SEL1L: variants seen among roughly 807,000 people sequenced by gnomAD.
SEL1L encodes SEL1L adaptor subunit of SYVN1 ubiquitin ligase.
SEL1L carries 52 observed loss-of-function variants against 109.8 expected under a neutral mutation model. The observed-to-expected ratio is 0.47, with a 90% CI of 0.38 to 0.60. The LOEUF (loss-of-function observed/expected upper bound fraction) is 0.60, where lower values mean the gene tolerates loss of function less well. Among genes scored for constraint, SEL1L ranks in the 20% least tolerant of loss-of-function variants. The probability of loss-of-function intolerance (pLI) is 0.00; values close to 1 mark genes in which losing one functional copy is unlikely to be tolerated. For missense variants in SEL1L, 749 were observed against 962.2 expected, an observed-to-expected ratio of 0.78 and a Z score of 2.93; for synonymous variants, 373 against 339.6, an observed-to-expected ratio of 1.10 and a Z score of -1.08.
chr14:81,528,917 C>A (rs1425133014), intron 1 of SEL1L, among the ~76,000 whole-genome samples: 3 of 152,088 alleles, frequency 2.0e-5, no homozygotes, highest in African/African-American at 7.2e-5. Flanking sequence ...ATAACCAACT[C>A]AATTATGCAC....
chr14:81,505,001 A>G (rs1482241449), intron 4 of SEL1L, among the ~76,000 whole-genome samples: 1 of 152,148 alleles, frequency 6.6e-6, no homozygotes, highest in Non-Finnish European at 1.5e-5. Context: ...CTTTATTAAT[A>G]AATTTCCCAG....
At chr14:81,486,865 T>C (rs1001796767) in intron 16 of SEL1L, among the ~76,000 whole-genome samples, 1 of 152,174 alleles carries the variant, frequency 6.6e-6, no homozygotes, top group Non-Finnish European at 1.5e-5. Flanking sequence ...TTTATCAATG[T>C]CACTCTAAAG....
intron 3 of SEL1L, among the ~76,000 whole-genome samples, chr14:81,514,657 G>A (rs1490707088): frequency 1.3e-5 from 2 of 152,144 alleles, no homozygotes; most frequent in Non-Finnish European, 2.9e-5. Flanking sequence ...GATCCGGAGG[G>A]TCCAGGGACC....
chr14:81,480,681 G>A (rs915044321), intron 19 of SEL1L, among the ~76,000 whole-genome samples: 10 of 152,142 alleles, frequency 6.6e-5, no homozygotes, highest in African/African-American at 2.4e-4. Context: ...TGGTGCCACT[G>A]AACTCTAGCC....
rs1047104691 is a variant in SEL1L, at chr14:81,512,038, A to G, written c.341-5797T>C. Among the ~76,000 whole-genome samples, 8 of 152,320 alleles carry G rather than the reference A, an allele frequency of 5.3e-5. No homozygotes were observed. In the South Asian group the frequency reaches 1.5e-3, roughly 28 times the overall value. ...ATTTTTACAAATGGCTTCTTTTCAC[A>G]TAAAGGATTTGTGATGGTTTAATTT... On this transcript the variant is annotated intron_variant, in intron 3 of 20. Coordinates refer to ENST00000336735, the MANE Select transcript of SEL1L (RefSeq NM_005065.6).
intron 5 of SEL1L, 129 bp downstream of exon 5, chr14:81,504,072 A>G (rs8020513): frequency 0.029 from 14,856 of 513,494 alleles, 1,518 homozygotes; most frequent in African/African-American, 0.24. Flanking sequence ...GTTATATTAC[A>G]TTTTTTTGTA....
chr14:81,497,518 T>C (rs897991154), intron 10 of SEL1L, among the ~76,000 whole-genome samples: 4 of 152,204 alleles, frequency 2.6e-5, no homozygotes, highest in African/African-American at 9.7e-5. Context: ...TTGCAAATAT[T>C]CCAGGGACTT....
At chr14:81,486,480 T>A in intron 16 of SEL1L, 26 bp from the exon 17 acceptor site, 2 of 1,607,616 alleles carry the variant, frequency 1.2e-6, no homozygotes, top group Non-Finnish European at 8.5e-7. Context: ...AAAAAAAATA[T>A]CAGTAGAAGA....
chr14:81,496,121 A>G (rs963308905), intron 10 of SEL1L, among the ~76,000 whole-genome samples: 1 of 152,044 alleles, frequency 6.6e-6, no homozygotes, highest in African/African-American at 2.4e-5. Context: ...CAGGAGATTG[A>G]GACCATCCTG....
In SEL1L at chr14:81,489,124, GAA is replaced by G. The variant is rs983207338; in HGVS notation, c.1395+126_1395+127del. 6 of 792,132 alleles carry G rather than the reference GAA, an allele frequency of 7.6e-6. No individual in the cohort carries two copies. The African/African-American group carries it at 1.0e-4, about 14-fold the overall frequency. 49.1% of individuals were successfully genotyped at this position (792,132 alleles called of 1,614,324 possible). A position where few individuals can be genotyped will look rare whatever the true frequency, so the allele number is the denominator to read the frequency against. On this transcript the variant is annotated intron_variant, in intron 14 of 20. Transcript: ENST00000336735. ...GGTAGTGAGACAAACTCAGACAACA[GAA>G]AGAGGTTCAGCTTTGCTTACAATGG...
rs1173708690 is a variant in SEL1L at position 81,477,181 on chromosome 14, T to C, written c.2176A>G (p.Ile726Val). The C allele has an allele frequency of 1.2e-6, 2 of 1,612,150 alleles. No homozygotes were observed. The highest frequency in any genetic ancestry group is 2.2e-5 in the East Asian group (1 of 44,870). ...YFLQYIRETN[I>V]RDMFTQLDMD... ...TCAAGTTGGGTGAACATATCTCGAA[T>C]CTTAATGAAAATAATATAGAAACCA... Residue 726 changes from isoleucine (I) to valine (V), a missense_variant and splice_region_variant, in exon 21 of 21, where the codon ATT (isoleucine) becomes GTT (valine). Around this residue, in one of 2 missense-constraint regions of SEL1L, gnomAD observed 383 missense variants for 562.5 expected, o/e 0.68. Coordinates refer to ENST00000336735, the MANE Select transcript of SEL1L (RefSeq NM_005065.6).
Position 81,484,313 on chromosome 14 carries a change from T to C in SEL1L, c.1958A>G (p.His653Arg). Residue 653 changes from histidine to arginine, a missense_variant, in exon 19 of 21, where the codon CAT becomes CGT. His to Arg is a conservative substitution (Grantham distance 29). Coordinates refer to ENST00000336735, the MANE Select transcript of SEL1L (RefSeq NM_005065.6). Reference sequence around the variant, plus strand: ...TTGCTGCTCAGAAGCCAGACGGTAATGAATAAATGCAGTTTCATAATCTAC... The same window carrying C: ...TTGCTGCTCAGAAGCCAGACGGTAACGAATAAATGCAGTTTCATAATCTAC... The part of the protein sequence containing the change: ...TDVDYETAFI[H>R]YRLASEQQHS... 6.2e-7 allele frequency: 1 copy of C among 1,614,182 alleles called. No homozygotes were observed. Among genetic ancestry groups the C allele is most frequent in the Non-Finnish European group, 8.5e-7 (1 of 1,180,006 alleles).
intron 10 of SEL1L, among the ~76,000 whole-genome samples, chr14:81,497,289 T>C (rs1235039311): frequency 6.6e-6 from 1 of 152,150 alleles, no homozygotes; most frequent in East Asian, 1.9e-4. Context: ...AAATTAGAAA[T>C]AATTGCAAAC....
intron 3 of SEL1L, 80 bp downstream of exon 3, chr14:81,526,653 T>C (rs1885124950): frequency 1.9e-6 from 2 of 1,030,102 alleles, no homozygotes; most frequent in African/African-American, 3.2e-5. Context: ...GCCAGTCTTC[T>C]TCAGCCTCTT....
chr14:81,477,573 G>A (rs1416907595), intron 20 of SEL1L, among the ~76,000 whole-genome samples: 1 of 152,180 alleles, frequency 6.6e-6, no homozygotes, highest in Non-Finnish European at 1.5e-5. Flanking sequence ...AGCACTTTGG[G>A]AGGCCGAGGT....
intron 19 of SEL1L, among the ~76,000 whole-genome samples, chr14:81,482,611 A>G (rs572864228): frequency 6.6e-6 from 1 of 152,226 alleles, no homozygotes; most frequent in East Asian, 1.9e-4. Context: ...TTCAGTTACT[A>G]CATTAAGTGG....
At chr14:81,530,563 G>GA (rs950457243) in intron 1 of SEL1L, among the ~76,000 whole-genome samples, 6 of 149,512 alleles carry the variant, frequency 4.0e-5, no homozygotes, top group African/African-American at 1.2e-4. Context: ...TTGGCACAAA[G>GA]AAAAAAAAAG....
Position 81,477,041 on chromosome 14 carries a change from G to A in SEL1L, c.2316C>T (p.Pro772=). 1 of 1,614,190 alleles carries A rather than the reference G, an allele frequency of 6.2e-7. No individual in the cohort carries two copies. Among genetic ancestry groups the A allele is most frequent in the Non-Finnish European group, 8.5e-7 (1 of 1,180,040 alleles). The change falls in exon 21 of 21, where the codon CCC becomes CCT. Residue 772 remains proline, a synonymous_variant. Coordinates refer to ENST00000336735, the MANE Select transcript of SEL1L (RefSeq NM_005065.6). ...RQRQHQDMPA[P]RPPGPRPAPP... ...GAGCTGGCCGTGGCCCTGGAGGCCT[G>A]GGTGCAGGCATGTCTTGGTGCTGCC...
At chr14:81,485,533 C>A in intron 18 of SEL1L, 139 bp downstream of exon 18, 1 of 672,638 alleles carries the variant, frequency 1.5e-6, no homozygotes, top group Non-Finnish European at 2.6e-6. Context: ...CTCAAGTGAT[C>A]CTCCTGCCTT....
Sources: gnomAD v4.1 joint callset for allele counts (sites outside exome capture counted in the v4.1 genomes callset) on GRCh38, gnomAD v4.1.1 for gene constraint, gnomAD v4.1.1 regional missense constraint, MANE v1.5 for transcripts, NCBI Gene and HGNC (gene_info 2026-07-23, HGNC 2026-07-21) for gene names.